Variants in VKORC1L1 observed in about 807,000 individuals in gnomAD.
VKORC1L1 encodes the protein vitamin K epoxide reductase complex subunit 1-like protein 1.
Under a neutral mutation model 18.9 loss-of-function variants are expected in VKORC1L1, and 2 were observed. That is an observed-to-expected ratio of 0.11 (90% CI 0.04 to 0.33). VKORC1L1 has a LOEUF of 0.33. Ranked by LOEUF, VKORC1L1 falls within the 10% of genes least tolerant of loss-of-function variation. The probability of loss-of-function intolerance (pLI) is 1.00; values close to 1 mark genes in which losing one functional copy is unlikely to be tolerated. For missense variants in VKORC1L1, 123 were observed against 224.1 expected, an observed-to-expected ratio of 0.55 and a Z score of 2.88; for synonymous variants, 96 against 100.0, an observed-to-expected ratio of 0.96 and a Z score of 0.24.
At chr7:65,912,383 C>G (rs1257969359) in intron 1 of VKORC1L1, among the ~76,000 whole-genome samples, 1 of 152,220 alleles carries the variant, frequency 6.6e-6, no homozygotes, top group Non-Finnish European at 1.5e-5. Flanking sequence ...GCTTGTGGCT[C>G]TTTCCGAGCT....
At chr7:65,903,123 C>G (rs1054219885) in intron 1 of VKORC1L1, among the ~76,000 whole-genome samples, 1 of 151,506 alleles carries the variant, frequency 6.6e-6, no homozygotes, top group Non-Finnish European at 1.5e-5. Flanking sequence ...ACCTCGGCCT[C>G]CCAAAGTGCT....
rs548387617 is a variant in VKORC1L1, at chr7:65,882,763, C to T, written c.194+9198C>T. On this transcript the variant is annotated intron_variant, in intron 1 of 2. Coordinates refer to ENST00000360768, the MANE Select transcript of VKORC1L1 (RefSeq NM_173517.6). ...GTTGCATTATGCAATAACATGACTG[C>T]CTAATGCATATATCAGGATTAGTAC... Among the ~76,000 whole-genome samples, 21 of 152,168 alleles carry T rather than the reference C, an allele frequency of 1.4e-4. No individual in the cohort carries two copies. In the South Asian group the frequency reaches 4.4e-3, roughly 32 times the overall value.
the VKORC1L1 span, among the ~76,000 whole-genome samples, chr7:65,867,013 C>T: frequency 1.3e-5 from 2 of 151,858 alleles, no homozygotes; most frequent in Non-Finnish European, 2.9e-5. Context: ...ATCATGAAAC[C>T]CCATCTCTAA....
chr7:65,908,341 A>G (rs1019885196), intron 1 of VKORC1L1, among the ~76,000 whole-genome samples: 1 of 151,914 alleles, frequency 6.6e-6, no homozygotes, highest in African/African-American at 2.4e-5. Flanking sequence ...TGAACCCGGG[A>G]GGCAGAGGTT....
At chr7:65,935,075 G>T (rs773284673) in intron 1 of VKORC1L1, among the ~76,000 whole-genome samples, 1 of 151,484 alleles carries the variant, frequency 6.6e-6, no homozygotes, top group Non-Finnish European at 1.5e-5. Context: ...AAAAAAGGGG[G>T]TCTATTTCAG....
rs189151776 is a variant in VKORC1L1, at chr7:65,937,703, T to C, written c.195-10968T>C. On this transcript the variant is annotated intron_variant, in intron 1 of 2. Transcript: ENST00000360768. ...TGCTGGCATTACAGGCGTGAGGCAG[T>C]GTGCCTGGCTGACACTCAGATTTTT... is the stretch of plus-strand genomic sequence containing the variant. Among the ~76,000 whole-genome samples, 46 of 152,264 alleles carry C rather than the reference T, an allele frequency of 3.0e-4. No homozygotes were observed. In the East Asian group the frequency reaches 8.5e-3, roughly 28 times the overall value.
intron 1 of VKORC1L1, among the ~76,000 whole-genome samples, chr7:65,921,789 A>G (rs1484483753): frequency 5.9e-5 from 9 of 151,352 alleles, no homozygotes; most frequent in Admixed American, 2.0e-4. Context: ...CGGAGCTTGC[A>G]GTGAGCGGAG....
chr7:65,867,804 A>T, the VKORC1L1 span, among the ~76,000 whole-genome samples: 1 of 152,162 alleles, frequency 6.6e-6, no homozygotes, highest in African/African-American at 2.4e-5. Flanking sequence ...AGGAGCACAG[A>T]CCTGACCTCA....
chr7:65,953,137 A>G (rs1375250285), intron 2 of VKORC1L1, among the ~76,000 whole-genome samples: 1 of 152,124 alleles, frequency 6.6e-6, no homozygotes, highest in African/African-American at 2.4e-5. Flanking sequence ...TTTAGCACAC[A>G]TGTCCACCAT....
At chr7:65,943,564 A>G (rs1236910603) in intron 1 of VKORC1L1, among the ~76,000 whole-genome samples, 2 of 152,138 alleles carry the variant, frequency 1.3e-5, no homozygotes, top group Non-Finnish European at 1.5e-5. Flanking sequence ...TCCAAGGTCC[A>G]TTCTTCCTTT....
intron 1 of VKORC1L1, among the ~76,000 whole-genome samples, chr7:65,894,494 C>T (rs1789159020): frequency 6.6e-6 from 1 of 152,014 alleles, no homozygotes; most frequent in Non-Finnish European, 1.5e-5. Context: ...TTTGGGAGGC[C>T]AAGGCAGGTG....
intron 1 of VKORC1L1, among the ~76,000 whole-genome samples, chr7:65,934,067 C>A (rs908110231): frequency 2.0e-5 from 3 of 152,068 alleles, no homozygotes; most frequent in African/African-American, 4.8e-5. Flanking sequence ...GAAAAAAAAT[C>A]TTTTGATGCA....
At chr7:65,935,227 G>A (rs1789923534) in intron 1 of VKORC1L1, among the ~76,000 whole-genome samples, 1 of 151,950 alleles carries the variant, frequency 6.6e-6, no homozygotes, top group South Asian at 2.1e-4. Context: ...GTGTCTGATT[G>A]TTCTTGATCC....
chr7:65,887,419 A>G (rs1789034325), intron 1 of VKORC1L1, among the ~76,000 whole-genome samples: 1 of 152,014 alleles, frequency 6.6e-6, no homozygotes, highest in South Asian at 2.1e-4. Flanking sequence ...AAGTATGTAT[A>G]CTTTATGACA....
At chr7:65,949,056 C>T (rs1387307368) in intron 2 of VKORC1L1, among the ~76,000 whole-genome samples, 1 of 152,126 alleles carries the variant, frequency 6.6e-6, no homozygotes, top group East Asian at 1.9e-4. Context: ...TCCCTGTTAA[C>T]GTTTTTCCTT....
At chr7:65,946,562 A>G (rs952069131) in intron 1 of VKORC1L1, among the ~76,000 whole-genome samples, 3 of 152,172 alleles carry the variant, frequency 2.0e-5, no homozygotes, top group Non-Finnish European at 4.4e-5. Context: ...TGTGCTTTAA[A>G]AATTTCAGAA....
In VKORC1L1 at chr7:65,886,198, TA is replaced by T. The variant is rs535457391; in HGVS notation, c.194+12634del. Among the ~76,000 whole-genome samples the T allele has an allele frequency of 9.8e-3, 1,489 of 152,336 alleles. 12 individuals are homozygous for T. The highest frequency in any genetic ancestry group is 0.016 in the Non-Finnish European group (1,084 of 68,028). On this transcript the variant is annotated intron_variant, in intron 1 of 2. Transcript: ENST00000360768. ...TTGGTCTAAAGAGACTTTATCATGA[TA>T]TATGGTATATGTATACTCTGGTTCT...
At chr7:65,887,050 C>T (rs1378246711) in intron 1 of VKORC1L1, among the ~76,000 whole-genome samples, 9 of 151,172 alleles carry the variant, frequency 6.0e-5, no homozygotes, top group African/African-American at 1.7e-4. Context: ...GAGGTTTCAC[C>T]GTGTTAGCCA....
intron 1 of VKORC1L1, among the ~76,000 whole-genome samples, chr7:65,888,452 C>T (rs540490687): frequency 2.0e-5 from 3 of 152,174 alleles, no homozygotes; most frequent in Admixed American, 2.0e-4. Flanking sequence ...TTTCATCTTC[C>T]CAGTTCTCAA....
Sources: gnomAD v4.1 joint callset for allele counts (sites outside exome capture counted in the v4.1 genomes callset) on GRCh38, gnomAD v4.1.1 for gene constraint, MANE v1.5 for transcripts, NCBI Gene and HGNC (gene_info 2026-07-23, HGNC 2026-07-21) for gene names.